Variants in PLXNA4 observed in about 807,000 individuals in gnomAD.
PLXNA4 encodes the protein plexin-A4.
Under a neutral mutation model 191.8 loss-of-function variants are expected in PLXNA4, and 44 were observed. The observed-to-expected ratio is 0.23, with a 90% CI of 0.18 to 0.29. The LOEUF is 0.29. Ranked by LOEUF, PLXNA4 falls within the 10% of genes least tolerant of loss-of-function variation. The pLI is 1.00. For synonymous variants in PLXNA4, 1,082 were observed against 1,009.5 expected, an observed-to-expected ratio of 1.07 and a Z score of -1.36; for missense variants, 1,800 against 2,488.8, an observed-to-expected ratio of 0.72 and a Z score of 5.89.
At chr7:132,449,567 G>A (rs1796040215) in intron 3 of PLXNA4, among the ~76,000 whole-genome samples, 2 of 152,170 alleles carry the variant, frequency 1.3e-5, no homozygotes, top group African/African-American at 4.8e-5. Context: ...CCCATAAAGG[G>A]GTGAGGAGGC....
intron 1 of PLXNA4, among the ~76,000 whole-genome samples, chr7:132,527,125 G>C (rs976999714): frequency 6.6e-6 from 1 of 152,180 alleles, no homozygotes; most frequent in Non-Finnish European, 1.5e-5. Context: ...TTAGGATGTA[G>C]ATTATTGGGA....
intron 1 of PLXNA4, among the ~76,000 whole-genome samples, chr7:132,537,440 A>G (rs1799893023): frequency 6.6e-6 from 1 of 152,270 alleles, no homozygotes; most frequent in Admixed American, 6.5e-5. Context: ...CTTAGGAAGA[A>G]GCCTTAATCC....
chr7:132,584,151 T>C (rs1418402406), intron 2 of PLXNA4, among the ~76,000 whole-genome samples: 1 of 152,190 alleles, frequency 6.6e-6, no homozygotes, highest in East Asian at 1.9e-4. Context: ...TGGGAACCCA[T>C]CAGATACATG....
intron 2 of PLXNA4, 75 bp from the exon 3 acceptor site, chr7:132,489,549 T>A (rs1350136786): frequency 7.9e-7 from 1 of 1,272,250 alleles, no homozygotes; most frequent in South Asian, 1.7e-5. Flanking sequence ...CAGGAAACTA[T>A]GGAGGTAGAA....
intron 3 of PLXNA4, among the ~76,000 whole-genome samples, chr7:132,365,358 TGTGC>T (rs1554424501): frequency 3.7e-5 from 5 of 133,594 alleles, no homozygotes; most frequent in African/African-American, 1.4e-4. Flanking sequence ...TGTGTGTGTG[TGTGC>T]GTGCGCGCGC....
intron 23 of PLXNA4, 78 bp from the exon 24 acceptor site, chr7:132,164,366 G>A (rs982399073): frequency 1.3e-6 from 2 of 1,560,568 alleles, no homozygotes; most frequent in Non-Finnish European, 1.7e-6. Flanking sequence ...TCTCCAAAGG[G>A]CTGCTTCCAT....
chr7:132,292,449 G>C (rs1467331197), intron 4 of PLXNA4, among the ~76,000 whole-genome samples: 1 of 152,178 alleles, frequency 6.6e-6, no homozygotes, highest in East Asian at 1.9e-4. Flanking sequence ...GGTTGCTGAC[G>C]AATCAAAGTT....
chr7:132,277,264 AT>A (rs547230315), intron 4 of PLXNA4, among the ~76,000 whole-genome samples: 4 of 152,072 alleles, frequency 2.6e-5, no homozygotes, highest in Non-Finnish European at 5.9e-5. Context: ...CCAATTGGGA[AT>A]TTTTTTTAAC....
Position 132,194,093 on chromosome 7 carries a change from A to G in PLXNA4, c.2825T>C (p.Met942Thr), listed in dbSNP as rs745387882. Residue 942 changes from methionine (M) to threonine (T), a missense_variant, in exon 14 of 32, where the codon ATG (methionine) becomes ACG (threonine). Around this residue, in one of 6 missense-constraint regions of PLXNA4, gnomAD observed 1,397 missense variants for 1,880.4 expected, o/e 0.74. Transcript: ENST00000321063. ...ICVAVCRPEFMARSSQLYYFM... is the reference protein window; with the variant it reads ...ICVAVCRPEFTARSSQLYYFM... The stretch of plus-strand genomic sequence containing the variant: ...GTAATAGAGCTGTGAGGACCGGGCC[A>G]TGAATTCAGGCCGACACACAGCCAC... 2 of 1,613,960 alleles carry G rather than the reference A, an allele frequency of 1.2e-6. No homozygotes were observed. The highest frequency in any genetic ancestry group is 2.7e-5 in the African/African-American group (2 of 74,918).
intron 1 of PLXNA4, among the ~76,000 whole-genome samples, chr7:132,557,485 C>T (rs1800851785): frequency 6.6e-6 from 1 of 151,678 alleles, no homozygotes; most frequent in South Asian, 2.1e-4. Flanking sequence ...CAATCAATTA[C>T]CAAGGAGCCC....
chr7:132,458,033 TG>T (rs1796372007), intron 3 of PLXNA4, among the ~76,000 whole-genome samples: 1 of 152,180 alleles, frequency 6.6e-6, no homozygotes, highest in Admixed American at 6.5e-5. Context: ...TGGGGTAATT[TG>T]TTACAGCAGC....
intron 3 of PLXNA4, among the ~76,000 whole-genome samples, chr7:132,378,747 T>G (rs1804764826): frequency 6.6e-6 from 1 of 152,138 alleles, no homozygotes; most frequent in Admixed American, 6.5e-5. Flanking sequence ...GCTGCTAAGA[T>G]TTGAAATTTC....
intron 3 of PLXNA4, among the ~76,000 whole-genome samples, chr7:132,396,130 A>G (rs1793745619): frequency 6.6e-6 from 1 of 152,154 alleles, no homozygotes; most frequent in Non-Finnish European, 1.5e-5. Context: ...ACATCAAGAG[A>G]AAGCCTTCAG....
chr7:132,217,534 C>T (rs1798001535), intron 9 of PLXNA4, among the ~76,000 whole-genome samples: 1 of 152,158 alleles, frequency 6.6e-6, no homozygotes, highest in Non-Finnish European at 1.5e-5. Flanking sequence ...CAGGTCACCT[C>T]TCCTCTGTCC....
intron 1 of PLXNA4, among the ~76,000 whole-genome samples, chr7:132,526,320 C>G (rs1178835356): frequency 6.6e-6 from 1 of 152,218 alleles, no homozygotes; most frequent in Non-Finnish European, 1.5e-5. Flanking sequence ...CCGTTAATCT[C>G]CTGGCAGATG....
In PLXNA4 at chr7:132,198,545, T is replaced by G; in HGVS notation, c.2678A>C (p.His893Pro). ...GCACTCCACGCCAGCAACCTTGACA[T>G]GGGAGGCGATGTCGCGAAATTCCAG... ...LGLEFRDIASHVKVAGVECSP... is the reference protein window; with the variant it reads ...LGLEFRDIASPVKVAGVECSP... Residue 893 changes from histidine to proline, a missense_variant, in exon 13 of 32, where the codon CAT (histidine) becomes CCT (proline). Coordinates refer to ENST00000321063, the MANE Select transcript of PLXNA4 (RefSeq NM_020911.2). The G allele has an allele frequency of 1.2e-6, 2 of 1,614,220 alleles. No individual in the cohort carries two copies. Among genetic ancestry groups the G allele is most frequent in the Non-Finnish European group, 1.7e-6 (2 of 1,180,034 alleles).
intron 18 of PLXNA4, 130 bp from the exon 19 acceptor site, chr7:132,180,862 AGTGC>A: frequency 4.9e-6 from 7 of 1,421,690 alleles, no homozygotes; most frequent in Admixed American, 5.1e-5. Flanking sequence ...TTTGGTAATA[AGTGC>A]AAAAAATATT....
At chr7:132,455,543 G>A (rs1284633489) in intron 3 of PLXNA4, among the ~76,000 whole-genome samples, 2 of 152,110 alleles carry the variant, frequency 1.3e-5, no homozygotes, top group African/African-American at 4.8e-5. Context: ...CAGACCCTGG[G>A]TGACACACAC....
At chr7:132,239,286 G>C (rs1403104777) in intron 5 of PLXNA4, among the ~76,000 whole-genome samples, 3 of 152,184 alleles carry the variant, frequency 2.0e-5, no homozygotes, top group Non-Finnish European at 4.4e-5. Context: ...GGGGGTGGGA[G>C]GTGGGGGTTC....
Sources: gnomAD v4.1 joint callset for allele counts (sites outside exome capture counted in the v4.1 genomes callset) on GRCh38, gnomAD v4.1.1 for gene constraint, gnomAD v4.1.1 regional missense constraint, MANE v1.5 for transcripts, NCBI Gene and HGNC (gene_info 2026-07-23, HGNC 2026-07-21) for gene names.